The following ESR2 variants were observed in gnomAD, a reference collection of about 807,000 sequenced individuals.
The protein encoded by ESR2 is estrogen receptor beta.
A neutral mutation model predicts 49.6 loss-of-function variants in ESR2; 36 were observed. That is an observed-to-expected ratio of 0.73 (90% CI 0.56 to 0.96). The LOEUF is 0.96. Among genes scored for constraint, ESR2 ranks in the 40% least tolerant of loss-of-function variants. The probability of loss-of-function intolerance (pLI) is 0.00; values close to 1 mark genes in which losing one functional copy is unlikely to be tolerated. For missense variants in ESR2, 714 were observed against 693.0 expected (o/e 1.03, Z -0.34); for synonymous variants, 320 against 266.1 (o/e 1.20, Z -1.97).
intron 7 of ESR2, 44 bp from the exon 8 acceptor site, chr14:64,235,194 G>C (rs770036420): frequency 2.2e-5 from 35 of 1,587,578 alleles, no homozygotes; most frequent in Non-Finnish European, 3.0e-5. Context: ...CTGAGCAAAG[G>C]AGCAGAAGTC....
At chr14:64,335,659 G>C (rs1197909336) in intron 1 of ESR2, among the ~76,000 whole-genome samples, 2 of 152,062 alleles carry the variant, frequency 1.3e-5, no homozygotes, top group African/African-American at 4.8e-5. Flanking sequence ...TTCAACATAT[G>C]AAAGTTCAGG....
intron 1 of ESR2, among the ~76,000 whole-genome samples, chr14:64,283,623 T>G (rs2076726078): frequency 6.6e-6 from 1 of 151,526 alleles, no homozygotes; most frequent in Non-Finnish European, 1.5e-5. Context: ...TGGTGGCATG[T>G]GCCTGTTGTC....
rs567349725 is a variant in ESR2 at position 64,305,290 on chromosome 14, C to CAAA, written c.-90-22218_-90-22216dup. Among the ~76,000 whole-genome samples, 423 of 100,194 alleles carry CAAA rather than the reference C, an allele frequency of 4.2e-3. 6 individuals are homozygous for CAAA. The highest frequency in any genetic ancestry group is 8.1e-3 in the African/African-American group (227 of 28,132). 65.7% of individuals were successfully genotyped at this position (100,194 alleles called of 152,430 possible). On this transcript the variant is annotated intron_variant, in intron 1 of 8. Coordinates refer to the ESR2 transcript ENST00000358599. ...TGGGCGACAGAGCGAGACTCCGTCT[C>CAAA]AAAAAAAAAAAAAAAAAATTAATTA...
rs140630557 is a variant in ESR2 at position 64,280,117 on chromosome 14, G to A, written c.399C>T (p.Cys133=). 289 of 1,613,906 alleles carry A rather than the reference G, an allele frequency of 1.8e-4. 1 individual carries two copies. The highest frequency in any genetic ancestry group is 6.7e-5 in the African/African-American group (5 of 74,888). The change falls in exon 3 of 9, where the codon TGC becomes TGT. Residue 133 remains cysteine (C), a synonymous_variant. Transcript: ENST00000341099. The part of the protein sequence containing the change: ...TLKRKVSGNR[C]ASPVTGPGSK... ...AACCTGGACCAGTAACAGGGCTGGCGCAACGGTTCCCACTAACCTTCCTTT... is the reference window on the plus strand; with the variant it reads ...AACCTGGACCAGTAACAGGGCTGGCACAACGGTTCCCACTAACCTTCCTTT...
chr14:64,310,226 T>C (rs939095819), intron 1 of ESR2, among the ~76,000 whole-genome samples: 2 of 151,242 alleles, frequency 1.3e-5, no homozygotes, highest in Admixed American at 6.6e-5. Context: ...TGAGCCAAGA[T>C]CGCGCCACTG....
chr14:64,278,188 A>G (rs1313945742), intron 3 of ESR2, among the ~76,000 whole-genome samples: 1 of 152,252 alleles, frequency 6.6e-6, no homozygotes, highest in Non-Finnish European at 1.5e-5. Context: ...ATTGTCACAA[A>G]TAAAATATTT....
At chr14:64,278,263 T>C (rs2076596511) in intron 3 of ESR2, among the ~76,000 whole-genome samples, 1 of 152,172 alleles carries the variant, frequency 6.6e-6, no homozygotes, top group Non-Finnish European at 1.5e-5. Flanking sequence ...TATGAGTATC[T>C]CCATTTCACA....
At chr14:64,268,144 G>A (rs1295421698) in intron 4 of ESR2, among the ~76,000 whole-genome samples, 1 of 152,124 alleles carries the variant, frequency 6.6e-6, no homozygotes, top group Non-Finnish European at 1.5e-5. Flanking sequence ...TTTTCTTTGT[G>A]CATAAAATAT....
chr14:64,297,385 A>C (rs555679800), upstream of ESR2: 2 of 152,312 alleles, frequency 1.3e-5, no homozygotes, highest in South Asian at 4.2e-4. Flanking sequence ...GCCTCTCCAT[A>C]AAAGGTGCAC....
At chr14:64,286,374 C>T (rs2076785872) in intron 1 of ESR2, among the ~76,000 whole-genome samples, 1 of 151,972 alleles carries the variant, frequency 6.6e-6, no homozygotes, top group African/African-American at 2.4e-5. Flanking sequence ...AATCTTGGCT[C>T]ACTGCAACCT....
Position 64,280,065 on chromosome 14 carries a change from C to G in ESR2, c.451G>C (p.Val151Leu). The change falls in exon 3 of 9, where the codon GTC (valine) becomes CTC (leucine). Residue 151 changes from valine to leucine, a missense_variant. Coordinates refer to ENST00000341099, the MANE Select transcript of ESR2 (RefSeq NM_001437.3). The stretch of plus-strand genomic sequence containing the variant: ...TATCCCGATGCGTAATCGCTGCAGA[C>G]AGCGCAGAAGTGAGCATCCCTCTTT... ...GSKRDAHFCA[V>L]CSDYASGYHY... 6.2e-7 allele frequency: 1 copy of G among 1,614,146 alleles called. No individual in the cohort carries two copies. The highest frequency in any genetic ancestry group is 8.5e-7 in the Non-Finnish European group (1 of 1,179,968).
chr14:64,299,119 A>T (rs915387691), upstream of ESR2, among the ~76,000 whole-genome samples: 1 of 152,080 alleles, frequency 6.6e-6, no homozygotes, highest in East Asian at 1.9e-4. Flanking sequence ...AGAAGATATT[A>T]ATAAGTCAGC....
intron 1 of ESR2, among the ~76,000 whole-genome samples, chr14:64,286,288 G>T (rs1202213960): frequency 3.3e-5 from 5 of 152,098 alleles, no homozygotes; most frequent in Non-Finnish European, 5.9e-5. Context: ...AATTAATAAT[G>T]AGTATGGAAT....
chr14:64,300,543 C>A (rs61984419), intron 1 of ESR2, among the ~76,000 whole-genome samples: 1 of 151,984 alleles, frequency 6.6e-6, no homozygotes, highest in Non-Finnish European at 1.5e-5. Flanking sequence ...GAGGATCGCT[C>A]GAGCCCAGGA....
At chr14:64,282,529 A>G in intron 2 of ESR2, 95 bp downstream of exon 2, 1 of 1,304,710 alleles carries the variant, frequency 7.7e-7, no homozygotes, top group South Asian at 1.4e-5. Context: ...AATACAATAA[A>G]GACCTTGTCT....
At chr14:64,315,329 T>C (rs1224245214) in intron 1 of ESR2, among the ~76,000 whole-genome samples, 1 of 150,834 alleles carries the variant, frequency 6.6e-6, no homozygotes, top group Non-Finnish European at 1.5e-5. Context: ...CTACAGACTA[T>C]ACAGATGTCT....
chr14:64,330,974 C>G (rs146957765), intron 1 of ESR2: 1 of 149,316 alleles, frequency 6.7e-6, no homozygotes, highest in African/African-American at 2.5e-5. Flanking sequence ...CTAATTATTA[C>G]AAGAACAAAG....
rs1339578961 is a variant in ESR2, at chr14:64,253,608, GTA to G, written c.1091+3616_1091+3617del. Among the ~76,000 whole-genome samples, 894 of 125,320 alleles carry G rather than the reference GTA, an allele frequency of 7.1e-3. 13 individuals carry two copies. The highest frequency in any genetic ancestry group is 0.025 in the African/African-American group (797 of 32,484). 82.2% of individuals were successfully genotyped at this position (125,320 alleles called of 152,430 possible). A position where few individuals can be genotyped will look rare whatever the true frequency, so the allele number is the denominator to read the frequency against. ...TGTGTGTGTGTGTGTGTGTGTGTAT[GTA>G]TGTGTGTGTATATATATATATATAT... is the stretch of plus-strand genomic sequence containing the variant. On this transcript the variant is annotated intron_variant, in intron 6 of 8. Transcript: ENST00000341099.
At chr14:64,303,090 G>A (rs538950120) in intron 1 of ESR2, among the ~76,000 whole-genome samples, 4 of 152,038 alleles carry the variant, frequency 2.6e-5, no homozygotes, top group South Asian at 2.1e-4. Flanking sequence ...ATGAGCCACC[G>A]CGCCCAGCCA....
Sources: allele counts gnomAD v4.1 joint callset (sites outside exome capture counted in the v4.1 genomes callset), GRCh38; gene constraint gnomAD v4.1.1; transcripts MANE v1.5; gene names NCBI Gene and HGNC (gene_info 2026-07-23, HGNC 2026-07-21).